AIDA: variants seen among roughly 807,000 people sequenced by gnomAD.
AIDA encodes the protein axin interactor, dorsalization associated, also known as axin interactor, dorsalization-associated protein.
Under a neutral mutation model 42.7 loss-of-function variants are expected in AIDA, and 18 were observed. That is an observed-to-expected ratio of 0.42 (90% CI 0.29 to 0.63). AIDA has a LOEUF of 0.63. AIDA is among the 20% of genes least tolerant of loss of function. AIDA has a pLI of 0.19. For synonymous variants in AIDA, 104 were observed against 122.9 expected, an observed-to-expected ratio of 0.85 and a Z score of 1.02; for missense variants, 250 against 354.1, an observed-to-expected ratio of 0.71 and a Z score of 2.36.
rs1471585190 is a variant in AIDA at position 222,668,942 on chromosome 1, A to G, written c.*951T>C. 4 of 151,936 alleles carry G rather than the reference A, an allele frequency of 2.6e-5. No individual in the cohort carries two copies. The highest frequency in any genetic ancestry group is 4.4e-5 in the Non-Finnish European group (3 of 67,970). The allele number at this position is 151,936 out of a possible 1,614,324, so 9.4% of individuals were successfully genotyped here. Reference sequence around the variant, plus strand: ...GATCCTATCTACCTATATAAAAAAAATAGAATATCTTTCCAGATTTTGCAT... The same window carrying G: ...GATCCTATCTACCTATATAAAAAAAGTAGAATATCTTTCCAGATTTTGCAT... On this transcript the variant is annotated 3_prime_UTR_variant, in exon 10 of 10. Coordinates refer to ENST00000340020, the MANE Select transcript of AIDA (RefSeq NM_022831.4).
rs775658398 is a variant in AIDA at position 222,687,004 on chromosome 1, A to C, written c.386T>G (p.Leu129Trp). 5.0e-6 allele frequency: 8 copies of C among 1,613,722 alleles called. No individual in the cohort carries two copies. Among genetic ancestry groups the C allele is most frequent in the Non-Finnish European group, 1.7e-6 (2 of 1,179,918 alleles). The change falls in exon 6 of 10, where the codon TTG becomes TGG. Residue 129 changes from leucine (L) to tryptophan (W), a missense_variant. Physicochemically the swap from Leu to Trp is moderately conservative, Grantham distance 61 (BLOSUM62 -2). Coordinates refer to ENST00000340020, the MANE Select transcript of AIDA (RefSeq NM_022831.4). ...RILAPGEEEN[L>W]EFEEDEEEGG... Reference sequence around the variant, plus strand: ...CTCTTCTTCATCTTCTTCAAATTCCAAATTCTCTTCTTCACCAGGTGCCAA... The same window carrying C: ...CTCTTCTTCATCTTCTTCAAATTCCCAATTCTCTTCTTCACCAGGTGCCAA...
intron 6 of AIDA, among the ~76,000 whole-genome samples, chr1:222,682,345 T>A (rs1258039188): frequency 6.6e-6 from 1 of 152,176 alleles, no homozygotes; most frequent in Non-Finnish European, 1.5e-5. Context: ...GATTGTATCT[T>A]CTGAAAACAT....
intron 6 of AIDA, among the ~76,000 whole-genome samples, chr1:222,678,203 GTGTGT>G (rs1558208198): frequency 0.026 from 391 of 15,326 alleles, 3 homozygotes; most frequent in East Asian, 0.06. Context: ...ATCTTGGGGT[GTGTGT>G]GTGTGTGTGT....
At chr1:222,686,889 T>C in intron 6 of AIDA, 41 bp downstream of exon 6, 2 of 1,588,654 alleles carry the variant, frequency 1.3e-6, no homozygotes, top group Non-Finnish European at 8.6e-7. Context: ...CTGACTCTGG[T>C]TGCAGTTAAA....
rs2124961679 is a variant in AIDA, at chr1:222,693,694, T to TAAATC, written c.289+90_289+94dup. ...ACATAGGACTAGATATTAACAGAAATAAATCAAATCATAATCTTTGTTAAA... is the reference window on the plus strand; with the variant it reads ...ACATAGGACTAGATATTAACAGAAATAAATCAAATCAAATCATAATCTTTGTTAAA... On this transcript the variant is annotated intron_variant, in intron 4 of 9. Transcript: ENST00000340020. 6 of 1,074,876 alleles carry TAAATC rather than the reference T, an allele frequency of 5.6e-6. No homozygotes were observed. The South Asian group carries it at 7.9e-5, about 14-fold the overall frequency. 66.6% of individuals were successfully genotyped at this position (1,074,876 alleles called of 1,614,324 possible). A position where few individuals can be genotyped will look rare whatever the true frequency, so the allele number is the denominator to read the frequency against.
chr1:222,696,747 G>A (rs1197304080), intron 2 of AIDA, among the ~76,000 whole-genome samples: 1 of 152,114 alleles, frequency 6.6e-6, no homozygotes, highest in East Asian at 1.9e-4. Context: ...AATTTTGTCT[G>A]TATTAAGTGA....
chr1:222,703,322 G>T, intron 1 of AIDA, 105 bp from the exon 2 acceptor site: 49 of 680,266 alleles, frequency 7.2e-5, no homozygotes, highest in South Asian at 1.6e-4. Flanking sequence ...TTATTGTCCT[G>T]TTTTTAAAAT....
rs1655451420 is a variant in AIDA at position 222,694,157 on chromosome 1, A to G, written c.234+53T>C. The G allele has an allele frequency of 4.0e-6, 6 of 1,484,580 alleles. No homozygotes were observed. The African/African-American group carries it at 4.2e-5, about 10-fold the overall frequency. 92.0% of individuals were successfully genotyped at this position (1,484,580 alleles called of 1,614,324 possible). ...CATAAATGTCTAATGTTTTATCACA[A>G]TAATGCAGAATAATTTATTTTCCTT... is the stretch of plus-strand genomic sequence containing the variant. On this transcript the variant is annotated intron_variant, in intron 3 of 9. Transcript: ENST00000340020.
chr1:222,692,252 C>T (rs961084700), intron 4 of AIDA, among the ~76,000 whole-genome samples: 5 of 152,116 alleles, frequency 3.3e-5, no homozygotes, highest in African/African-American at 7.2e-5. Flanking sequence ...CAAAGTACAT[C>T]ATGGGTTGGG....
At chr1:222,690,587 A>T (rs866492973) in intron 4 of AIDA, among the ~76,000 whole-genome samples, 1 of 152,186 alleles carries the variant, frequency 6.6e-6, no homozygotes, top group Non-Finnish European at 1.5e-5. Flanking sequence ...TGGCATCCCA[A>T]AGGAGGAAAT....
At chr1:222,693,512 T>C (rs1004189338) in intron 4 of AIDA, among the ~76,000 whole-genome samples, 1 of 152,184 alleles carries the variant, frequency 6.6e-6, no homozygotes, top group Non-Finnish European at 1.5e-5. Context: ...TGCAAATGTT[T>C]ACCAAAGTAA....
At chr1:222,704,189 G>A (rs968159297) in intron 1 of AIDA, among the ~76,000 whole-genome samples, 1 of 152,162 alleles carries the variant, frequency 6.6e-6, no homozygotes, top group African/African-American at 2.4e-5. Context: ...GTACTGACAG[G>A]ATGTGAAAAA....
chr1:222,696,046 A>G (rs1337199084), intron 2 of AIDA, among the ~76,000 whole-genome samples: 1 of 152,258 alleles, frequency 6.6e-6, no homozygotes, highest in Non-Finnish European at 1.5e-5. Flanking sequence ...ATGCCGAAGA[A>G]TAAGTGACAA....
In AIDA at chr1:222,677,371, G is replaced by A. The variant is rs376988542; in HGVS notation, c.461-1153C>T. Among the ~76,000 whole-genome samples the A allele has an allele frequency of 5.9e-5, 9 of 152,148 alleles. No individual in the cohort carries two copies. The East Asian group carries it at 9.7e-4, about 16-fold the overall frequency. On this transcript the variant is annotated intron_variant, in intron 6 of 9. Transcript: ENST00000340020. Reference sequence around the variant, plus strand: ...TATTCATAACATCTGCAAATAAAGGGACAGGTTTCCCCCCCTCTAATTTTT... The same window carrying A: ...TATTCATAACATCTGCAAATAAAGGAACAGGTTTCCCCCCCTCTAATTTTT...
intron 6 of AIDA, among the ~76,000 whole-genome samples, chr1:222,685,397 C>T (rs1664726539): frequency 6.6e-6 from 1 of 152,170 alleles, no homozygotes; most frequent in South Asian, 2.1e-4. Flanking sequence ...AGAGCCCAGA[C>T]TCAAAAGCCC....
chr1:222,680,004 A>C (rs549274357), intron 6 of AIDA, among the ~76,000 whole-genome samples: 1 of 152,306 alleles, frequency 6.6e-6, no homozygotes, highest in South Asian at 2.1e-4. Context: ...TGAACTCGCT[A>C]GGAGCTCCAC....
intron 2 of AIDA, among the ~76,000 whole-genome samples, chr1:222,698,653 G>T (rs948530833): frequency 6.6e-6 from 1 of 151,968 alleles, no homozygotes; most frequent in Non-Finnish European, 1.5e-5. Context: ...GTTTCTCCGT[G>T]TTGGGCAGGC....
intron 2 of AIDA, among the ~76,000 whole-genome samples, chr1:222,700,320 A>C (rs1239765073): frequency 2.0e-5 from 3 of 152,212 alleles, no homozygotes; most frequent in African/African-American, 7.2e-5. Flanking sequence ...TCTGAAGATC[A>C]TTTAGAGTTT....
chr1:222,708,692 C>G (rs115993185), intron 1 of AIDA, among the ~76,000 whole-genome samples: 1 of 152,066 alleles, frequency 6.6e-6, no homozygotes, highest in African/African-American at 2.4e-5. Flanking sequence ...TATTGAGTAT[C>G]CATGTGCTAG....
Sources: gnomAD v4.1 joint callset for allele counts (sites outside exome capture counted in the v4.1 genomes callset) on GRCh38, gnomAD v4.1.1 for gene constraint, MANE v1.5 for transcripts, NCBI Gene and HGNC (gene_info 2026-07-23, HGNC 2026-07-21) for gene names.